The following TAFA1 variants were observed in gnomAD, a reference collection of about 807,000 sequenced individuals.
TAFA1 encodes chemokine-like protein TAFA-1.
A neutral mutation model predicts 18.5 loss-of-function variants in TAFA1; 4 were observed. The observed-to-expected ratio is 0.22, with a 90% CI of 0.11 to 0.49. TAFA1 has a LOEUF of 0.49. Ranked by LOEUF, TAFA1 falls within the 20% of genes least tolerant of loss-of-function variation. TAFA1 has a pLI of 0.98. For missense variants in TAFA1, 147 were observed against 169.0 expected, an observed-to-expected ratio of 0.87 and a Z score of 0.72; for synonymous variants, 56 against 55.2, an observed-to-expected ratio of 1.01 and a Z score of -0.06.
intron 2 of TAFA1, among the ~76,000 whole-genome samples, chr3:68,395,807 A>G (rs2070371673): frequency 6.6e-6 from 1 of 152,034 alleles, no homozygotes; most frequent in Non-Finnish European, 1.5e-5. Context: ...GGCCTGTTGG[A>G]GGATGGTGGG....
At chr3:68,379,318 G>A (rs997504603) in intron 2 of TAFA1, among the ~76,000 whole-genome samples, 5 of 152,090 alleles carry the variant, frequency 3.3e-5, no homozygotes, top group African/African-American at 1.2e-4. Context: ...TTTGAAAAAT[G>A]TCTGTTAATG....
At chr3:68,399,827 T>C (rs2070454598) in intron 2 of TAFA1, among the ~76,000 whole-genome samples, 3 of 152,098 alleles carry the variant, frequency 2.0e-5, no homozygotes. Context: ...TCTATTGACA[T>C]GCAGAAACAA....
At chr3:68,492,177 T>A (rs1257230911) in intron 3 of TAFA1, among the ~76,000 whole-genome samples, 1 of 152,174 alleles carries the variant, frequency 6.6e-6, no homozygotes, top group African/African-American at 2.4e-5. Context: ...TCCTTGTGGG[T>A]CCCTGGTTAT....
intron 2 of TAFA1, among the ~76,000 whole-genome samples, chr3:68,265,754 C>G (rs1005331576): frequency 2.0e-5 from 3 of 152,154 alleles, no homozygotes; most frequent in Admixed American, 6.6e-5. Context: ...TGGCTGTGAA[C>G]TGTTGCGTAC....
intron 2 of TAFA1, among the ~76,000 whole-genome samples, chr3:68,257,017 C>T (rs937072938): frequency 1.3e-5 from 2 of 152,126 alleles, no homozygotes; most frequent in African/African-American, 2.4e-5. Context: ...AAGCATCAAG[C>T]TCTTGCCTCC....
intron 2 of TAFA1, among the ~76,000 whole-genome samples, chr3:68,389,630 C>T (rs778129536): frequency 1.6e-4 from 25 of 152,084 alleles, no homozygotes; most frequent in Non-Finnish European, 2.1e-4. Flanking sequence ...GCAGAGAAGG[C>T]GGGTGATTTC....
At chr3:68,496,158 C>A (rs142062283) in intron 3 of TAFA1, among the ~76,000 whole-genome samples, 5 of 152,022 alleles carry the variant, frequency 3.3e-5, no homozygotes, top group African/African-American at 1.2e-4. Context: ...GAAAGATCAG[C>A]GTTAACGAGA....
intron 3 of TAFA1, among the ~76,000 whole-genome samples, chr3:68,500,193 G>T (rs2072633202): frequency 6.6e-6 from 1 of 152,000 alleles, no homozygotes; most frequent in Non-Finnish European, 1.5e-5. Context: ...GCTTGGTTTG[G>T]GTTAATGGGC....
rs2065193956 is a variant in TAFA1 at position 68,105,574 on chromosome 3, T to A, written c.118+98830T>A. Among the ~76,000 whole-genome samples, 3 of 152,144 alleles carry A rather than the reference T, an allele frequency of 2.0e-5. No individual in the cohort carries two copies. The South Asian group carries it at 6.2e-4, about 32-fold the overall frequency. On this transcript the variant is annotated intron_variant, in intron 2 of 4. Transcript: ENST00000478136. ...ACAACAACAACCATAGAAGGTATTG[T>A]GACAAAACACAGAATCAAGTATTTA...
chr3:68,407,036 T>C (rs1445630189), intron 2 of TAFA1, among the ~76,000 whole-genome samples: 1 of 152,202 alleles, frequency 6.6e-6, no homozygotes, highest in Admixed American at 6.5e-5. Context: ...ATTACCTTAC[T>C]TTTAGCAATT....
intron 3 of TAFA1, among the ~76,000 whole-genome samples, chr3:68,512,881 T>A (rs2072870485): frequency 6.6e-6 from 1 of 152,064 alleles, no homozygotes; most frequent in Non-Finnish European, 1.5e-5. Flanking sequence ...TAGAAAAAAA[T>A]TCACCTTTGG....
chr3:68,326,295 A>G (rs1346649653), intron 2 of TAFA1, among the ~76,000 whole-genome samples: 2 of 152,180 alleles, frequency 1.3e-5, no homozygotes, highest in South Asian at 2.1e-4. Context: ...TGAAACTCAA[A>G]TGTGTCTTCA....
chr3:68,388,780 G>A (rs901881708), intron 2 of TAFA1, among the ~76,000 whole-genome samples: 1 of 151,742 alleles, frequency 6.6e-6, no homozygotes, highest in African/African-American at 2.4e-5. Flanking sequence ...TTTTTTTAAT[G>A]TAAACTTCAG....
At chr3:68,115,150 C>T (rs2106845209) in intron 2 of TAFA1, among the ~76,000 whole-genome samples, 2 of 152,292 alleles carry the variant, frequency 1.3e-5, no homozygotes, top group Middle Eastern at 6.8e-3. Context: ...TTCTGGAACA[C>T]TGGCAAAGTT....
chr3:68,472,433 A>T (rs2072014852), intron 3 of TAFA1, among the ~76,000 whole-genome samples: 1 of 152,044 alleles, frequency 6.6e-6, no homozygotes, highest in Non-Finnish European at 1.5e-5. Flanking sequence ...TATTAACAGC[A>T]TAAGAATGGA....
At chr3:68,537,845 G>A (rs1056457299) in intron 3 of TAFA1, among the ~76,000 whole-genome samples, 5 of 152,128 alleles carry the variant, frequency 3.3e-5, no homozygotes, top group Admixed American at 6.6e-5. Context: ...CCTGTCCACT[G>A]TACAGACAAA....
intron 2 of TAFA1, among the ~76,000 whole-genome samples, chr3:68,126,492 T>G (rs1053718836): frequency 6.6e-6 from 1 of 152,236 alleles, no homozygotes; most frequent in Non-Finnish European, 1.5e-5. Flanking sequence ...CCCAAAATCT[T>G]GAAGAGAAAA....
rs565016020 is a variant in TAFA1 at position 68,366,529 on chromosome 3, G to T, written c.119-50751G>T. On this transcript the variant is annotated intron_variant, in intron 2 of 4. Coordinates refer to ENST00000478136, the MANE Select transcript of TAFA1 (RefSeq NM_213609.4). ...TGTCTGCAATGGAGAAAGGGACTTC[G>T]CTGGGTGGAAATGTAAAGAACCATG... 2.6e-5 allele frequency among the ~76,000 whole-genome samples: 4 copies of T among 152,232 alleles called. No individual in the cohort carries two copies. In the South Asian group the frequency reaches 8.3e-4, roughly 32 times the overall value.
At chr3:68,387,170 T>C (rs2070123569) in intron 2 of TAFA1, among the ~76,000 whole-genome samples, 1 of 152,030 alleles carries the variant, frequency 6.6e-6, no homozygotes, top group Admixed American at 6.6e-5. Flanking sequence ...AATCTGTCTT[T>C]GTTGTTGGCT....
Sources: allele counts gnomAD v4.1 joint callset (sites outside exome capture counted in the v4.1 genomes callset), GRCh38; gene constraint gnomAD v4.1.1; transcripts MANE v1.5; gene names NCBI Gene and HGNC (gene_info 2026-07-23, HGNC 2026-07-21).